The following TRIM41 variants were observed in gnomAD, a reference collection of about 807,000 sequenced individuals.
The protein encoded by TRIM41 is E3 ubiquitin-protein ligase TRIM41.
TRIM41 carries 21 observed loss-of-function variants against 60.6 expected under a neutral mutation model. That is an observed-to-expected ratio of 0.35 (90% confidence interval 0.25 to 0.50). The LOEUF is 0.50. Among genes scored for constraint, TRIM41 ranks in the 20% least tolerant of loss-of-function variants. The pLI is 0.98. For missense variants in TRIM41, 846 were observed against 868.3 expected (o/e 0.97, Z 0.32); for synonymous variants, 407 against 344.9 (o/e 1.18, Z -2.00).
rs1192757152 is a variant in TRIM41 at position 181,234,764 on chromosome 5, C to T, written c.1882C>T (p.Leu628Phe). The T allele has an allele frequency of 1.2e-6, 2 of 1,611,586 alleles. No homozygotes were observed. The highest frequency in any genetic ancestry group is 1.3e-5 in the African/African-American group (1 of 74,698). The change falls in exon 6 of 6, where the codon CTC becomes TTC. Residue 628 changes from leucine to phenylalanine, a missense_variant. Leu to Phe is a conservative substitution (Grantham distance 22). Transcript: ENST00000315073. This position sits in a 1 kb window ranked among gnomAD's most constrained non-coding sequence, Gnocchi z 5.6. The part of the protein sequence containing the change: ...RVLSKGTRIK[L>F]CP ...GCTCTCCAAGGGCACCCGCATCAAGCTCTGCCCTTGATTATCCTGCCACCC... is the reference window on the plus strand; with the variant it reads ...GCTCTCCAAGGGCACCCGCATCAAGTTCTGCCCTTGATTATCCTGCCACCC...
rs548291040 is a variant in TRIM41 at position 181,233,153 on chromosome 5, A to G, written c.1141-260A>G. On this transcript the variant is annotated intron_variant, in intron 3 of 5. Transcript: ENST00000315073. This position sits in a 1 kb window ranked among gnomAD's most constrained non-coding sequence, Gnocchi z 4.1. ...GTTGAGGAAAGTCTTTTTGACAGTG[A>G]CATCCTGAAAAAGGTGAGCAAGTCG... is the stretch of plus-strand genomic sequence containing the variant. 219 of 712,512 alleles carry G rather than the reference A, an allele frequency of 3.1e-4. 1 individual carries two copies. The highest frequency in any genetic ancestry group is 2.1e-3 in the South Asian group (140 of 67,280). 44.1% of individuals were successfully genotyped at this position (712,512 alleles called of 1,614,324 possible). A position where few individuals can be genotyped will look rare whatever the true frequency, so the allele number is the denominator to read the frequency against.
rs1198571813 is a variant in TRIM41, at chr5:181,232,897, A to G, written c.1140+8A>G. 14 of 1,538,038 alleles carry G rather than the reference A, an allele frequency of 9.1e-6. No homozygotes were observed. Among genetic ancestry groups the G allele is most frequent in the East Asian group, 2.4e-5 (1 of 40,918 alleles). ...GGTCTCCGGCTGCTCCAGGTGAGCA[A>G]TGTCCCCTCCCTGTTCCCCCAGCAT... On this transcript the variant is annotated splice_region_variant and intron_variant, in intron 3 of 5. Coordinates refer to ENST00000315073, the MANE Select transcript of TRIM41 (RefSeq NM_033549.5).
rs35032551 is a variant in TRIM41, at chr5:181,233,259, G to T, written c.1141-154G>T. ...TGGCGAGGCATGGGGTGGTTGAAATGGATGTGTGTTCATTGAGGGCCGTGA... is the reference window on the plus strand; with the variant it reads ...TGGCGAGGCATGGGGTGGTTGAAATTGATGTGTGTTCATTGAGGGCCGTGA... On this transcript the variant is annotated intron_variant, in intron 3 of 5. Transcript: ENST00000315073. This position sits in a 1 kb window ranked among gnomAD's most constrained non-coding sequence, Gnocchi z 4.1. 0.12 allele frequency: 96,719 copies of T among 836,138 alleles called. 6,058 individuals carry two copies. The highest frequency in any genetic ancestry group is 0.13 in the Non-Finnish European group (64,292 of 483,938). 51.8% of individuals were successfully genotyped at this position (836,138 alleles called of 1,614,324 possible).
intron 1 of TRIM41, chr5:181,227,777 A>T (rs1758612811): frequency 6.6e-6 from 1 of 152,120 alleles, no homozygotes; most frequent in Admixed American, 6.6e-5. Context: ...TAGTTCCTGA[A>T]CAGTTACATG....
chr5:181,229,645 A>G (rs1758706578), intron 1 of TRIM41: 1 of 152,320 alleles, frequency 6.6e-6, no homozygotes, highest in South Asian at 2.1e-4. Context: ...GATGAGCAGA[A>G]AGAAGCAAAG....
At position 181,233,364 on chromosome 5, in the gene TRIM41, CTCTT is replaced by C. The variant is rs747324346; in HGVS notation, c.1141-47_1141-44del. ...ACGCTGTCCCTGTGCAGCTGACACTCTCTTTATCTCTTTCTCCCTCTCCCTCTTT... is the reference window on the plus strand; with the variant it reads ...ACGCTGTCCCTGTGCAGCTGACACTCTATCTCTTTCTCCCTCTCCCTCTTT... On this transcript the variant is annotated intron_variant, in intron 3 of 5. Coordinates refer to ENST00000315073, the MANE Select transcript of TRIM41 (RefSeq NM_033549.5). This position sits in a 1 kb window ranked among gnomAD's most constrained non-coding sequence, Gnocchi z 4.1. 11 of 1,585,662 alleles carry C rather than the reference CTCTT, an allele frequency of 6.9e-6. No individual in the cohort carries two copies. The highest frequency in any genetic ancestry group is 2.7e-5 in the African/African-American group (2 of 73,948).
rs1345924266 is a variant in TRIM41 at position 181,224,513 on chromosome 5, C to T, written c.514C>T (p.Pro172Ser). Residue 172 changes from proline (P) to serine (S), a missense_variant, in exon 1 of 6, where the codon CCC becomes TCC. Transcript: ENST00000315073. Reference sequence around the variant, plus strand: ...GGATCTAGACCCCGTCACCCCACTGCCCCCGCCTCCAGCCCCTCGGAGGTG... The same window carrying T: ...GGATCTAGACCCCGTCACCCCACTGTCCCCGCCTCCAGCCCCTCGGAGGTG... ...EEDLDPVTPL[P>S]PPPAPRRCFT... The T allele has an allele frequency of 7.4e-6, 12 of 1,611,990 alleles. 1 individual carries two copies. The South Asian group carries it at 1.3e-4, about 18-fold the overall frequency.
chr5:181,232,747 G>C lies in TRIM41; in HGVS notation c.998G>C (p.Arg333Pro), dbSNP rs149754653. The change falls in exon 3 of 6, where the codon CGG becomes CCG. Residue 333 changes from arginine to proline, a missense_variant. Coordinates refer to ENST00000315073, the MANE Select transcript of TRIM41 (RefSeq NM_033549.5). ...FLAEEQAGLE[R>P]RLREMHEAQL... ...GCTGAAGAGCAGGCAGGGCTGGAAC[G>C]GCGTCTCAGAGAGATGCATGAAGCC... 5.6e-6 allele frequency: 9 copies of C among 1,613,704 alleles called. No individual in the cohort carries two copies. The African/African-American group carries it at 6.7e-5, about 12-fold the overall frequency.
At position 181,233,357 on chromosome 5, in the gene TRIM41, T is replaced by C; in HGVS notation, c.1141-56T>C. On this transcript the variant is annotated intron_variant, in intron 3 of 5. Transcript: ENST00000315073. This position sits in a 1 kb window ranked among gnomAD's most constrained non-coding sequence, Gnocchi z 4.1. ...TCGGGGAACGCTGTCCCTGTGCAGC[T>C]GACACTCTCTTTATCTCTTTCTCCC... 6.4e-7 allele frequency: 1 copy of C among 1,569,438 alleles called. No individual in the cohort carries two copies. Among genetic ancestry groups the C allele is most frequent in the Non-Finnish European group, 8.8e-7 (1 of 1,141,224 alleles).
intron 2 of TRIM41, chr5:181,231,313 AC>A (rs1478616364): frequency 1.3e-5 from 2 of 155,476 alleles, no homozygotes; most frequent in Admixed American, 1.3e-4. Context: ...CACTGCAGAG[AC>A]CTAATATTTC....
At position 181,234,082 on chromosome 5, in the gene TRIM41, C is replaced by G; in HGVS notation, c.1292-92C>G. On this transcript the variant is annotated intron_variant, in intron 5 of 5. Coordinates refer to ENST00000315073, the MANE Select transcript of TRIM41 (RefSeq NM_033549.5). The surrounding 1 kb of genome is among the most constrained non-coding windows in gnomAD (Gnocchi z 5.6). ...CTGGGATGGTGTGGGGAGCTGGATT[C>G]AGGGAGAAAGGGGGCCCAATCTGTG... is the stretch of plus-strand genomic sequence containing the variant. 6.3e-7 allele frequency: 1 copy of G among 1,590,100 alleles called. No individual in the cohort carries two copies. Among genetic ancestry groups the G allele is most frequent in the Non-Finnish European group, 8.5e-7 (1 of 1,172,562 alleles).
Position 181,233,390 on chromosome 5 carries a change from CTT to C in TRIM41, c.1141-19_1141-18del. On this transcript the variant is annotated intron_variant, in intron 3 of 5. Transcript: ENST00000315073. The surrounding 1 kb of genome is among the most constrained non-coding windows in gnomAD (Gnocchi z 4.1). Reference sequence around the variant, plus strand: ...TCTTTATCTCTTTCTCCCTCTCCCTCTTTTTGTTTCTCTTATTCCCAGGACAT... The same window carrying C: ...TCTTTATCTCTTTCTCCCTCTCCCTCTTTGTTTCTCTTATTCCCAGGACAT... The C allele has an allele frequency of 6.2e-7, 1 of 1,612,962 alleles. No individual in the cohort carries two copies. The highest frequency in any genetic ancestry group is 1.1e-5 in the South Asian group (1 of 91,054).
chr5:181,235,033 GTC>G lies in TRIM41; in HGVS notation c.*260_*261del. On this transcript the variant is annotated 3_prime_UTR_variant, in exon 6 of 6. Coordinates refer to ENST00000315073, the MANE Select transcript of TRIM41 (RefSeq NM_033549.5). ...CCCTGATAATGAGAACAGCTGCCTG[GTC>G]TTCTCTCCCAGTCTGCCTAGCCCAG... 2 of 1,614,014 alleles carry G rather than the reference GTC, an allele frequency of 1.2e-6. No individual in the cohort carries two copies. Among genetic ancestry groups the G allele is most frequent in the Non-Finnish European group, 1.7e-6 (2 of 1,180,038 alleles).
In TRIM41 at chr5:181,235,789, A is replaced by C. The variant is rs954491501; in HGVS notation, c.*1014A>C. 4.3e-5 allele frequency: 9 copies of C among 209,438 alleles called. No individual in the cohort carries two copies. Among genetic ancestry groups the C allele is most frequent in the Non-Finnish European group, 9.0e-5 (9 of 100,468 alleles). The allele number at this position is 209,438 out of a possible 1,614,324, so 13.0% of individuals were successfully genotyped here. ...AAAGGGAAGGCGTGCTGTGGAAATA[A>C]AATGTTTATTTGCTTCTCTTGTGAG... On this transcript the variant is annotated 3_prime_UTR_variant, in exon 6 of 6. Transcript: ENST00000315073.
intron 1 of TRIM41, chr5:181,229,222 A>ATAT (rs1318509418): frequency 2.6e-5 from 4 of 152,188 alleles, no homozygotes; most frequent in African/African-American, 4.8e-5. Flanking sequence ...TAGGGAACAA[A>ATAT]TATTAGATAA....
At chr5:181,226,482 A>G (rs2113153120) in intron 1 of TRIM41, 1 of 152,358 alleles carries the variant, frequency 6.6e-6, no homozygotes, top group African/African-American at 2.4e-5. Context: ...TCCTACCACT[A>G]GAGTTTCTGA....
In TRIM41 at chr5:181,234,528, TGTG is replaced by T. The variant is rs747004094; in HGVS notation, c.1650_1652del (p.Trp550del). 6.2e-7 allele frequency: 1 copy of T among 1,614,090 alleles called. No homozygotes were observed. The highest frequency in any genetic ancestry group is 1.1e-5 in the South Asian group (1 of 91,088). On this transcript the variant is annotated inframe_deletion, in exon 6 of 6. Coordinates refer to ENST00000315073, the MANE Select transcript of TRIM41 (RefSeq NM_033549.5). This position sits in a 1 kb window ranked among gnomAD's most constrained non-coding sequence, Gnocchi z 5.6. The stretch of plus-strand genomic sequence containing the variant: ...CAGCAGCCCCTGCTCCAGCGGGAAG[TGTG>T]GTGCGTGGGCACCAACGGCAAACGC...
In TRIM41 at chr5:181,223,678, C is replaced by T. The variant is rs1163918276; in HGVS notation, c.-322C>T. On this transcript the variant is annotated 5_prime_UTR_variant, in exon 1 of 6. Transcript: ENST00000315073. ...TGGGAAGGAGGCCGGAAGCTAGGGG[C>T]GGGGCCAGGAAGTGAGGAGGGGCGG... The T allele has an allele frequency of 1.3e-5, 6 of 479,080 alleles. No homozygotes were observed. Among genetic ancestry groups the T allele is most frequent in the Admixed American group, 3.7e-5 (1 of 26,902 alleles). The allele number at this position is 479,080 out of a possible 1,614,324, so 29.7% of individuals were successfully genotyped here. A position where few individuals can be genotyped will look rare whatever the true frequency, so the allele number is the denominator to read the frequency against.
At position 181,234,871 on chromosome 5, in the gene TRIM41, T is replaced by A; in HGVS notation, c.*96T>A. On this transcript the variant is annotated 3_prime_UTR_variant, in exon 6 of 6. Coordinates refer to ENST00000315073, the MANE Select transcript of TRIM41 (RefSeq NM_033549.5). The surrounding 1 kb of genome is among the most constrained non-coding windows in gnomAD (Gnocchi z 5.6). ...TTGAGGGCTCAAAGGCTCTTCCCAC[T>A]GCTTGTTACTGTGTTGCTTCCCACT... 1.9e-6 allele frequency: 3 copies of A among 1,611,318 alleles called. No individual in the cohort carries two copies. The highest frequency in any genetic ancestry group is 2.5e-6 in the Non-Finnish European group (3 of 1,179,612).
Sources: allele counts gnomAD v4.1 joint callset, GRCh38; gene constraint gnomAD v4.1.1; non-coding constraint Gnocchi (gnomAD v3.1); transcripts MANE v1.5; gene names NCBI Gene and HGNC (gene_info 2026-07-23, HGNC 2026-07-21).